The following SCPPPQ1 variants were observed in gnomAD, a reference collection of about 807,000 sequenced individuals.
The protein encoded by SCPPPQ1 is secretory calcium-binding phosphoprotein proline- and glutamine-rich 1.
the SCPPPQ1 span, among the ~76,000 whole-genome samples, chr4:87,469,947 C>CTTTT: frequency 6.1e-5 from 7 of 114,974 alleles, no homozygotes; most frequent in Admixed American, 1.1e-4. Flanking sequence ...ACACACAAAT[C>CTTTT]TTTTTTTTTT....
the SCPPPQ1 span, among the ~76,000 whole-genome samples, chr4:87,470,102 C>T: frequency 2.0e-5 from 3 of 151,974 alleles, no homozygotes; most frequent in Admixed American, 2.0e-4. Context: ...TACAGGTGTG[C>T]ACCACCACAC....
the SCPPPQ1 span, among the ~76,000 whole-genome samples, chr4:87,467,849 A>G: frequency 1.3e-5 from 2 of 152,144 alleles, no homozygotes; most frequent in Non-Finnish European, 2.9e-5. Flanking sequence ...GACCTGAGGG[A>G]AAAATGGTGG....
the SCPPPQ1 span, among the ~76,000 whole-genome samples, chr4:87,469,854 A>G: frequency 6.6e-6 from 1 of 151,716 alleles, no homozygotes; most frequent in Admixed American, 6.6e-5. Flanking sequence ...AACATAGCCC[A>G]TTACTTTCTA....
the SCPPPQ1 span, among the ~76,000 whole-genome samples, chr4:87,463,853 A>T: frequency 6.6e-6 from 1 of 152,226 alleles, no homozygotes; most frequent in African/African-American, 2.4e-5. Flanking sequence ...TTGCTTATAC[A>T]AGCAGTTTTA....
At chr4:87,467,702 AC>A in the SCPPPQ1 span, among the ~76,000 whole-genome samples, 1 of 152,176 alleles carries the variant, frequency 6.6e-6, no homozygotes, top group African/African-American at 2.4e-5. Context: ...ATTCCTGGGG[AC>A]TGCCTAAAGC....
chr4:87,470,489 A>G, the SCPPPQ1 span, among the ~76,000 whole-genome samples: 1 of 151,984 alleles, frequency 6.6e-6, no homozygotes, highest in Non-Finnish European at 1.5e-5. Context: ...GTAAGATGTA[A>G]TGGGTTGGTA....
chr4:87,468,236 A>G, the SCPPPQ1 span, among the ~76,000 whole-genome samples: 4 of 152,246 alleles, frequency 2.6e-5, no homozygotes, highest in Admixed American at 6.5e-5. Flanking sequence ...TTTTGCTTTT[A>G]AATTTATATC....
At chr4:87,468,898 A>G in the SCPPPQ1 span, among the ~76,000 whole-genome samples, 1 of 152,250 alleles carries the variant, frequency 6.6e-6, no homozygotes, top group African/African-American at 2.4e-5. Flanking sequence ...AAAGAAACAA[A>G]TTAGGTTTGT....
At chr4:87,466,412 A>G in the SCPPPQ1 span, among the ~76,000 whole-genome samples, 2 of 152,084 alleles carry the variant, frequency 1.3e-5, no homozygotes, top group African/African-American at 4.8e-5. Context: ...TTTAGCAAAC[A>G]ATAGGGAAAC....
the SCPPPQ1 span, among the ~76,000 whole-genome samples, chr4:87,463,517 T>C: frequency 3.3e-5 from 5 of 152,190 alleles, no homozygotes; most frequent in Non-Finnish European, 7.4e-5. Flanking sequence ...ACTTATTACA[T>C]ATGCAAGTTA....
At chr4:87,463,873 T>C in the SCPPPQ1 span, among the ~76,000 whole-genome samples, 15,409 of 152,188 alleles carry the variant, frequency 0.1, 847 homozygotes, top group Non-Finnish European at 0.12. Context: ...ACTGGAAAAT[T>C]GTTTTGTAGC....
chr4:87,463,229 TTCTC>T, the SCPPPQ1 span, among the ~76,000 whole-genome samples: 1 of 152,068 alleles, frequency 6.6e-6, no homozygotes, highest in Admixed American at 6.6e-5. Context: ...TACAAAGAGT[TTCTC>T]TTACCTTTCG....
At chr4:87,470,166 C>T in the SCPPPQ1 span, among the ~76,000 whole-genome samples, 1 of 151,506 alleles carries the variant, frequency 6.6e-6, no homozygotes, top group Non-Finnish European at 1.5e-5. Context: ...ATGTTGCCCC[C>T]CTGTTGCAAG....
At chr4:87,465,559 C>CAAAA in the SCPPPQ1 span, among the ~76,000 whole-genome samples, 131 of 98,222 alleles carry the variant, frequency 1.3e-3, no homozygotes, top group Non-Finnish European at 1.7e-3. Flanking sequence ...TAGAAATCTA[C>CAAAA]AAAAAAAAAA....
At chr4:87,463,072 A>G in the SCPPPQ1 span, among the ~76,000 whole-genome samples, 1 of 152,038 alleles carries the variant, frequency 6.6e-6, no homozygotes, top group Non-Finnish European at 1.5e-5. Context: ...GTAAATTTAA[A>G]TTTTGTGAAA....
At chr4:87,462,205 A>G in the SCPPPQ1 span, 1 of 152,228 alleles carries the variant, frequency 6.6e-6, no homozygotes. Context: ...TGTTTACAGC[A>G]TAGAGCTTAA....
the SCPPPQ1 span, among the ~76,000 whole-genome samples, chr4:87,468,863 G>C: frequency 1.6e-4 from 24 of 152,232 alleles, no homozygotes; most frequent in African/African-American, 4.8e-4. Context: ...ATACTTGCCA[G>C]CTTTGGCAAA....
At chr4:87,469,776 T>A in the SCPPPQ1 span, among the ~76,000 whole-genome samples, 1 of 152,262 alleles carries the variant, frequency 6.6e-6, no homozygotes, top group South Asian at 2.1e-4. Context: ...ACATAGGTTT[T>A]GTAAGCCTAC....
chr4:87,463,082 A>C, the SCPPPQ1 span, among the ~76,000 whole-genome samples: 1 of 152,092 alleles, frequency 6.6e-6, no homozygotes, highest in Non-Finnish European at 1.5e-5. Flanking sequence ...ATTTTGTGAA[A>C]TATCAAGGAC....
Sources: allele counts gnomAD v4.1 joint callset (sites outside exome capture counted in the v4.1 genomes callset), GRCh38; gene constraint gnomAD v4.1.1; transcripts MANE v1.5; gene names NCBI Gene and HGNC (gene_info 2026-07-23, HGNC 2026-07-21).